CDK14: variants seen among roughly 807,000 people sequenced by gnomAD.
CDK14 encodes cyclin-dependent kinase 14.
A neutral mutation model predicts 60.7 loss-of-function variants in CDK14; 34 were observed. The observed-to-expected ratio is 0.56, with a 90% CI of 0.43 to 0.75. The LOEUF (loss-of-function observed/expected upper bound fraction) is 0.75, where lower values mean the gene tolerates loss of function less well. Among genes scored for constraint, CDK14 ranks in the 30% least tolerant of loss-of-function variants. CDK14 has a pLI of 0.00. For synonymous variants in CDK14, 197 were observed against 203.7 expected, an observed-to-expected ratio of 0.97 and a Z score of 0.28; for missense variants, 482 against 564.1, an observed-to-expected ratio of 0.85 and a Z score of 1.47.
chr7:90,991,201 C>T (rs1156992982), intron 10 of CDK14, among the ~76,000 whole-genome samples: 1 of 152,120 alleles, frequency 6.6e-6, no homozygotes, highest in Non-Finnish European at 1.5e-5. Flanking sequence ...AGGTACTGGA[C>T]TTTATGTGAT....
chr7:90,977,961 A>C (rs1795126008), intron 9 of CDK14, among the ~76,000 whole-genome samples: 1 of 152,144 alleles, frequency 6.6e-6, no homozygotes, highest in Non-Finnish European at 1.5e-5. Context: ...AGTGTTATAA[A>C]GGGGACAAAC....
At chr7:90,770,421 G>T (rs892117812) in intron 4 of CDK14, among the ~76,000 whole-genome samples, 1 of 152,128 alleles carries the variant, frequency 6.6e-6, no homozygotes, top group Non-Finnish European at 1.5e-5. Flanking sequence ...GACCTTTATT[G>T]GGTAGGATTA....
intron 8 of CDK14, among the ~76,000 whole-genome samples, chr7:90,922,579 T>G (rs1793285052): frequency 6.6e-6 from 1 of 152,224 alleles, no homozygotes; most frequent in South Asian, 2.1e-4. Flanking sequence ...TTTGACACAT[T>G]ACTTTAAAGA....
intron 8 of CDK14, among the ~76,000 whole-genome samples, chr7:90,952,316 T>A (rs762677493): frequency 2.8e-4 from 43 of 152,154 alleles, no homozygotes; most frequent in Admixed American, 2.4e-3. Context: ...GCAGCAGATA[T>A]TATCTATAAG....
At chr7:90,814,820 A>C (rs1259520347) in intron 5 of CDK14, among the ~76,000 whole-genome samples, 1 of 152,190 alleles carries the variant, frequency 6.6e-6, no homozygotes. Context: ...GCAGCCAGGA[A>C]GCTGATTGTA....
intron 2 of CDK14, among the ~76,000 whole-genome samples, chr7:90,631,707 T>C (rs1280705619): frequency 6.6e-6 from 1 of 152,134 alleles, no homozygotes; most frequent in Non-Finnish European, 1.5e-5. Flanking sequence ...AGAAAGGCCC[T>C]CGGGGACTGG....
At chr7:90,743,060 A>G (rs1042109741) in intron 3 of CDK14, among the ~76,000 whole-genome samples, 1 of 152,148 alleles carries the variant, frequency 6.6e-6, no homozygotes, top group Admixed American at 6.5e-5. Flanking sequence ...TTGTGCATCT[A>G]TCACATGAGG....
intron 2 of CDK14, among the ~76,000 whole-genome samples, chr7:90,652,263 A>G (rs1800660012): frequency 6.6e-6 from 1 of 152,190 alleles, no homozygotes; most frequent in Non-Finnish European, 1.5e-5. Context: ...AATTACTTGA[A>G]TTTTACATAA....
intron 14 of CDK14, among the ~76,000 whole-genome samples, chr7:91,200,672 A>G (rs923823265): frequency 1.3e-5 from 2 of 152,212 alleles, no homozygotes; most frequent in Non-Finnish European, 2.9e-5. Flanking sequence ...ATATACCTTC[A>G]GAAGGATATC....
At chr7:90,698,033 A>ACT (rs1025952336) in intron 2 of CDK14, among the ~76,000 whole-genome samples, 7 of 132,394 alleles carry the variant, frequency 5.3e-5, no homozygotes, top group Non-Finnish European at 1.1e-4. Flanking sequence ...ACGTCACTGC[A>ACT]CTCCAGCCTG....
chr7:90,747,480 C>T (rs892082388), intron 3 of CDK14, among the ~76,000 whole-genome samples: 3 of 152,072 alleles, frequency 2.0e-5, no homozygotes, highest in Admixed American at 1.3e-4. Flanking sequence ...GGAATAATTT[C>T]GTTCTACATT....
rs1408956904 is a variant in CDK14 at position 90,711,882 on chromosome 7, A to ACGTTTTTT, written c.124-14685_124-14684insCGTTTTTT. On this transcript the variant is annotated intron_variant, in intron 2 of 14. Transcript: ENST00000380050. ...GTTCTTATGGAACTTATAGTCTACT[A>ACGTTTTTT]TGTTTTTTTTTTTTTTTTTCAATTG... is the stretch of plus-strand genomic sequence containing the variant. Among the ~76,000 whole-genome samples the ACGTTTTTT allele has an allele frequency of 1.4e-4, 16 of 110,820 alleles. 4 individuals are homozygous for ACGTTTTTT. Among genetic ancestry groups the ACGTTTTTT allele is most frequent in the Non-Finnish European group, 1.8e-4 (10 of 54,884 alleles). 72.7% of individuals were successfully genotyped at this position (110,820 alleles called of 152,430 possible). A position where few individuals can be genotyped will look rare whatever the true frequency, so the allele number is the denominator to read the frequency against.
At chr7:90,966,800 C>T (rs989632231) in intron 9 of CDK14, among the ~76,000 whole-genome samples, 4 of 152,068 alleles carry the variant, frequency 2.6e-5, no homozygotes, top group Admixed American at 2.6e-4. Context: ...ACATCCTGAA[C>T]TTTTTCCAAG....
In CDK14 at chr7:90,810,340, C is replaced by T. The variant is rs556243909; in HGVS notation, c.544+19688C>T. ...CATATGCAAATCAAAAAAACGTAAT[C>T]CAGCGTAGAAACAGAACCAAAGAGA... On this transcript the variant is annotated intron_variant, in intron 5 of 14. Transcript: ENST00000380050. Among the ~76,000 whole-genome samples the T allele has an allele frequency of 2.1e-4, 32 of 152,256 alleles. 1 individual carries two copies. In the South Asian group the frequency reaches 6.6e-3, roughly 32 times the overall value.
At chr7:91,150,871 G>A (rs1800810232) in intron 14 of CDK14, among the ~76,000 whole-genome samples, 1 of 152,068 alleles carries the variant, frequency 6.6e-6, no homozygotes, top group African/African-American at 2.4e-5. Context: ...ATTCAGATCT[G>A]TCAGGCCTTT....
At chr7:90,942,157 G>T (rs1793954920) in intron 8 of CDK14, among the ~76,000 whole-genome samples, 1 of 152,092 alleles carries the variant, frequency 6.6e-6, no homozygotes, top group South Asian at 2.1e-4. Flanking sequence ...TTTATTTCCT[G>T]TGCATCTCTC....
intron 12 of CDK14, among the ~76,000 whole-genome samples, chr7:91,105,097 G>A (rs913030932): frequency 5.9e-5 from 9 of 152,114 alleles, no homozygotes; most frequent in African/African-American, 1.4e-4. Flanking sequence ...TTTCAGATGC[G>A]CAGCTGAACC....
rs1350153611 is a variant in CDK14, at chr7:90,727,388, C to G, written c.369+576C>G. Among the ~76,000 whole-genome samples, 3 of 151,996 alleles carry G rather than the reference C, an allele frequency of 2.0e-5. No homozygotes were observed. In the East Asian group the frequency reaches 5.8e-4, roughly 29 times the overall value. ...AGGACCAAAGGAAAGAAGAGAATGT[C>G]CAGAAAGAAGTGTTAGAGGGAAACA... On this transcript the variant is annotated intron_variant, in intron 3 of 14. Coordinates refer to ENST00000380050, the MANE Select transcript of CDK14 (RefSeq NM_001287135.2).
intron 5 of CDK14, among the ~76,000 whole-genome samples, chr7:90,847,079 T>G (rs538403853): frequency 6.6e-6 from 1 of 152,310 alleles, no homozygotes; most frequent in African/African-American, 2.4e-5. Flanking sequence ...AAGGAGGGTT[T>G]GTAATTGTAT....
Sources: gnomAD v4.1 joint callset for allele counts (sites outside exome capture counted in the v4.1 genomes callset) on GRCh38, gnomAD v4.1.1 for gene constraint, MANE v1.5 for transcripts, NCBI Gene and HGNC (gene_info 2026-07-23, HGNC 2026-07-21) for gene names.